Variants in LGSN observed in about 807,000 individuals in gnomAD.
LGSN encodes the protein lengsin.
Under a neutral mutation model 19.5 loss-of-function variants are expected in LGSN, and 21 were observed. The observed-to-expected ratio is 1.07, with a 90% CI of 0.76 to 1.55. The LOEUF (loss-of-function observed/expected upper bound fraction) is 1.55. Ranked by LOEUF, LGSN falls within the 40% of genes most tolerant of loss-of-function variation. The pLI, the probability that LGSN is intolerant of heterozygous loss-of-function variation, is 0.00. For synonymous variants in LGSN, 257 were observed against 215.6 expected (o/e 1.19, Z -1.68); for missense variants, 673 against 608.5 (o/e 1.11, Z -1.12).
the LGSN span, among the ~76,000 whole-genome samples, chr6:63,564,706 C>T: frequency 6.6e-6 from 1 of 152,164 alleles, no homozygotes; most frequent in African/African-American, 2.4e-5. Flanking sequence ...CTATTTTTGC[C>T]TCAGTTCAGA....
At chr6:63,508,228 G>GA in the LGSN span, among the ~76,000 whole-genome samples, 32 of 152,088 alleles carry the variant, frequency 2.1e-4, no homozygotes, top group African/African-American at 7.5e-4. Context: ...CATTAAAGCT[G>GA]AAAAAATATC....
the LGSN span, among the ~76,000 whole-genome samples, chr6:63,472,327 A>G: frequency 6.6e-6 from 1 of 152,196 alleles, no homozygotes; most frequent in Non-Finnish European, 1.5e-5. Flanking sequence ...AGATTCCGAA[A>G]TTCCTTTAAA....
the LGSN span, among the ~76,000 whole-genome samples, chr6:63,555,910 C>T: frequency 1.3e-5 from 2 of 151,788 alleles, no homozygotes; most frequent in African/African-American, 2.4e-5. Flanking sequence ...GCCAGGCTGG[C>T]GAACTCCTGG....
the LGSN span, among the ~76,000 whole-genome samples, chr6:63,444,871 G>A: frequency 2.0e-5 from 3 of 152,138 alleles, no homozygotes; most frequent in Non-Finnish European, 4.4e-5. Flanking sequence ...CTGTGCTTGA[G>A]TCCAATTCCC....
At chr6:63,468,653 TC>T in the LGSN span, among the ~76,000 whole-genome samples, 1 of 151,370 alleles carries the variant, frequency 6.6e-6, no homozygotes, top group African/African-American at 2.4e-5. Flanking sequence ...GTCTCGAACT[TC>T]TGACCTCAGG....
At chr6:63,500,984 C>T in the LGSN span, among the ~76,000 whole-genome samples, 17 of 152,164 alleles carry the variant, frequency 1.1e-4, no homozygotes, top group Non-Finnish European at 1.9e-4. Flanking sequence ...CCGGCTCAGC[C>T]TCCCAAAGTG....
chr6:63,426,837 C>T, the LGSN span, among the ~76,000 whole-genome samples: 1 of 151,990 alleles, frequency 6.6e-6, no homozygotes, highest in Non-Finnish European at 1.5e-5. Context: ...TTAAATTTTC[C>T]TTTATTAAGT....
chr6:63,405,804 T>C, the LGSN span, among the ~76,000 whole-genome samples: 4 of 152,020 alleles, frequency 2.6e-5, no homozygotes, highest in African/African-American at 9.7e-5. Flanking sequence ...GAGACACACA[T>C]AGGCTCAAAA....
chr6:63,405,577 T>C, the LGSN span, among the ~76,000 whole-genome samples: 68 of 152,338 alleles, frequency 4.5e-4, no homozygotes, highest in African/African-American at 1.6e-3. Context: ...CATTTTTTCA[T>C]GTGTTTTTTG....
At chr6:63,484,011 A>C in the LGSN span, among the ~76,000 whole-genome samples, 1 of 152,086 alleles carries the variant, frequency 6.6e-6, no homozygotes, top group Non-Finnish European at 1.5e-5. Context: ...AAAATTACCC[A>C]GGCATGTGGG....
chr6:63,314,240 T>C (rs1037193663), intron 1 of LGSN, among the ~76,000 whole-genome samples: 1 of 152,062 alleles, frequency 6.6e-6, no homozygotes, highest in South Asian at 2.1e-4. Flanking sequence ...AGTGCCCTTA[T>C]GGGGAAAAAA....
chr6:63,410,197 C>A, the LGSN span, among the ~76,000 whole-genome samples: 1 of 152,022 alleles, frequency 6.6e-6, no homozygotes, highest in Admixed American at 6.6e-5. Context: ...TTCACAAAAA[C>A]GGGTACAGGT....
chr6:63,453,846 C>G, the LGSN span, among the ~76,000 whole-genome samples: 8 of 151,912 alleles, frequency 5.3e-5, no homozygotes, highest in Non-Finnish European at 1.2e-4. Flanking sequence ...TTAGTAGAGA[C>G]AGGGTTTCAC....
chr6:63,366,769 C>T, the LGSN span, among the ~76,000 whole-genome samples: 1 of 152,036 alleles, frequency 6.6e-6, no homozygotes. Flanking sequence ...AGAATAGAGC[C>T]CTTGGAAATA....
the LGSN span, among the ~76,000 whole-genome samples, chr6:63,339,651 T>G: frequency 2.0e-5 from 3 of 152,184 alleles, no homozygotes; most frequent in African/African-American, 7.2e-5. Context: ...TATCTTTTAA[T>G]TGGGGAATTT....
At chr6:63,425,020 A>C in the LGSN span, among the ~76,000 whole-genome samples, 1 of 152,236 alleles carries the variant, frequency 6.6e-6, no homozygotes, top group African/African-American at 2.4e-5. Flanking sequence ...GCACATGGAA[A>C]GATGTTCAAC....
At chr6:63,406,547 T>G in the LGSN span, among the ~76,000 whole-genome samples, 1 of 148,978 alleles carries the variant, frequency 6.7e-6, no homozygotes, top group Non-Finnish European at 1.5e-5. Flanking sequence ...AGGAAATTTA[T>G]AGCACTAAAT....
chr6:63,502,230 T>G, the LGSN span, among the ~76,000 whole-genome samples: 1 of 152,346 alleles, frequency 6.6e-6, no homozygotes, highest in East Asian at 1.9e-4. Context: ...GAACCTTTTC[T>G]CCTTAGATTG....
chr6:63,412,718 G>GGACGGAAAGAAA, the LGSN span, among the ~76,000 whole-genome samples: 1 of 54,750 alleles, frequency 1.8e-5, no homozygotes, highest in Non-Finnish European at 2.9e-5. Flanking sequence ...AGGGAAGGAA[G>GGACGGAAAGAAA]GAAAGAAAGA....
Sources: allele counts gnomAD v4.1 joint callset (sites outside exome capture counted in the v4.1 genomes callset), GRCh38; gene constraint gnomAD v4.1.1; transcripts MANE v1.5; gene names NCBI Gene and HGNC (gene_info 2026-07-23, HGNC 2026-07-21).